Variants in ARHGEF3 observed in about 807,000 individuals in gnomAD.
The protein encoded by ARHGEF3 is Rho guanine nucleotide exchange factor 3.
ARHGEF3 carries 28 observed loss-of-function variants against 63.2 expected under a neutral mutation model. That is an observed-to-expected ratio of 0.44 (90% CI 0.33 to 0.61). The LOEUF (loss-of-function observed/expected upper bound fraction) is 0.61. ARHGEF3 is among the 20% of genes least tolerant of loss of function. ARHGEF3 has a pLI of 0.03. For missense variants in ARHGEF3, 533 were observed against 659.3 expected, an observed-to-expected ratio of 0.81 and a Z score of 2.10; for synonymous variants, 266 against 254.2, an observed-to-expected ratio of 1.05 and a Z score of -0.44.
At chr3:56,743,643 T>C (rs552760207) in intron 7 of ARHGEF3, among the ~76,000 whole-genome samples, 2 of 152,320 alleles carry the variant, frequency 1.3e-5, no homozygotes, top group South Asian at 2.1e-4. Context: ...ATTACCATGA[T>C]TGTTGTTACT....
intron 1 of ARHGEF3, among the ~76,000 whole-genome samples, chr3:57,053,514 T>C (rs897443820): frequency 3.9e-5 from 6 of 152,316 alleles, no homozygotes; most frequent in Admixed American, 2.6e-4. Flanking sequence ...ATAAAGTAGT[T>C]TGCAACATCC....
At chr3:56,860,227 G>A (rs1425842042) in intron 4 of ARHGEF3, among the ~76,000 whole-genome samples, 1 of 151,750 alleles carries the variant, frequency 6.6e-6, no homozygotes, top group East Asian at 1.9e-4. Context: ...ACCCAGGATG[G>A]AGTGTAGTGG....
At chr3:57,014,321 A>C (rs968317137) in intron 2 of ARHGEF3, among the ~76,000 whole-genome samples, 1 of 152,178 alleles carries the variant, frequency 6.6e-6, no homozygotes, top group African/African-American at 2.4e-5. Flanking sequence ...GATCAAGAAC[A>C]CACCGATTCT....
chr3:57,043,429 A>ACAACAC (rs146675436), intron 1 of ARHGEF3, among the ~76,000 whole-genome samples: 1 of 152,184 alleles, frequency 6.6e-6, no homozygotes, highest in South Asian at 2.1e-4. Context: ...CTAGCATTTT[A>ACAACAC]CAACACCAAC....
intron 4 of ARHGEF3, among the ~76,000 whole-genome samples, chr3:56,814,882 A>G (rs1227827199): frequency 6.6e-6 from 1 of 152,150 alleles, no homozygotes; most frequent in African/African-American, 2.4e-5. Flanking sequence ...TAATCCCAAC[A>G]CTTTGGGAGG....
chr3:56,852,068 T>A (rs73833743), intron 4 of ARHGEF3, among the ~76,000 whole-genome samples: 6,613 of 152,218 alleles, frequency 0.043, 217 homozygotes, highest in African/African-American at 0.091. Flanking sequence ...GAAGGGGTGG[T>A]CACCCCTGAG....
At chr3:56,837,550 C>A (rs2039156782) in intron 4 of ARHGEF3, among the ~76,000 whole-genome samples, 1 of 152,162 alleles carries the variant, frequency 6.6e-6, no homozygotes, top group African/African-American at 2.4e-5. Flanking sequence ...GACGATTATT[C>A]AAGAAATAGA....
exon 3 of ARHGEF3, chr3:56,958,876 G>A (rs774106700): frequency 2.0e-5 from 31 of 1,551,286 alleles, no homozygotes; most frequent in Middle Eastern, 1.7e-4. Context: ...TTGTTTTGCC[G>A]CTGCCGTTTA....
chr3:56,796,537 C>T (rs2037377592), intron 1 of ARHGEF3, among the ~76,000 whole-genome samples: 2 of 152,214 alleles, frequency 1.3e-5, no homozygotes, highest in East Asian at 1.9e-4. Context: ...ATCCCACTCC[C>T]GTGGGTTGCA....
chr3:56,881,482 C>T (rs1478088616), intron 4 of ARHGEF3, among the ~76,000 whole-genome samples: 1 of 152,070 alleles, frequency 6.6e-6, no homozygotes, highest in Non-Finnish European at 1.5e-5. Context: ...GTAGGCTTCC[C>T]AATTGCATCA....
intron 2 of ARHGEF3, among the ~76,000 whole-genome samples, chr3:56,960,413 G>T (rs1001017964): frequency 6.6e-6 from 1 of 152,140 alleles, no homozygotes; most frequent in Non-Finnish European, 1.5e-5. Context: ...CTCTGAACAC[G>T]AGGCTTAATT....
chr3:56,969,193 T>A (rs1350955310), intron 2 of ARHGEF3, among the ~76,000 whole-genome samples: 1 of 152,166 alleles, frequency 6.6e-6, no homozygotes. Context: ...ATAGGTAATA[T>A]CCCAAACAAA....
At chr3:57,058,281 T>G (rs1185179731) in intron 1 of ARHGEF3, among the ~76,000 whole-genome samples, 1 of 152,250 alleles carries the variant, frequency 6.6e-6, no homozygotes, top group Non-Finnish European at 1.5e-5. Flanking sequence ...TTCACATTTA[T>G]GAGAACTTGT....
Position 56,729,131 on chromosome 3 carries a change from TA to T in ARHGEF3, c.*138del, listed in dbSNP as rs575520972. On this transcript the variant is annotated 3_prime_UTR_variant, in exon 10 of 10. Coordinates refer to ENST00000296315, the MANE Select transcript of ARHGEF3 (RefSeq NM_019555.3). ...GCAGTTACAGTACTAGGGACAAAGGTACAGATACGAGAGACTGGGCCAACAT... is the reference window on the plus strand; with the variant it reads ...GCAGTTACAGTACTAGGGACAAAGGTCAGATACGAGAGACTGGGCCAACAT... 1.9e-4 allele frequency: 133 copies of T among 712,062 alleles called. 1 individual carries two copies. The South Asian group carries it at 2.3e-3, about 12-fold the overall frequency. 44.1% of individuals were successfully genotyped at this position (712,062 alleles called of 1,614,324 possible). A position where few individuals can be genotyped will look rare whatever the true frequency, so the allele number is the denominator to read the frequency against.
chr3:56,883,115 G>C (rs558048146), intron 3 of ARHGEF3, among the ~76,000 whole-genome samples: 4 of 152,146 alleles, frequency 2.6e-5, no homozygotes, highest in African/African-American at 9.6e-5. Flanking sequence ...CTTATCCAGG[G>C]TCCTAATGTA....
Position 56,728,232 on chromosome 3 carries a change from CA to C in ARHGEF3, c.*1037del, listed in dbSNP as rs1250137510. On this transcript the variant is annotated 3_prime_UTR_variant, in exon 10 of 10. Coordinates refer to ENST00000296315, the MANE Select transcript of ARHGEF3 (RefSeq NM_019555.3). Reference sequence around the variant, plus strand: ...AGATGGCAAATTGACGACCCAAAAGCAGAGCAGGAAAGCCCAAAGCTCTGGC... The same window carrying C: ...AGATGGCAAATTGACGACCCAAAAGCGAGCAGGAAAGCCCAAAGCTCTGGC... 1 of 152,604 alleles carries C rather than the reference CA, an allele frequency of 6.6e-6. No homozygotes were observed. The highest frequency in any genetic ancestry group is 1.5e-5 in the Non-Finnish European group (1 of 68,030). 9.5% of individuals were successfully genotyped at this position (152,604 alleles called of 1,614,324 possible). A position where few individuals can be genotyped will look rare whatever the true frequency, so the allele number is the denominator to read the frequency against.
chr3:56,749,330 T>A (rs916944035), intron 6 of ARHGEF3, among the ~76,000 whole-genome samples: 3 of 152,240 alleles, frequency 2.0e-5, no homozygotes, highest in Non-Finnish European at 2.9e-5. Context: ...CTAATAAACG[T>A]GACAAATGTT....
intron 2 of ARHGEF3, among the ~76,000 whole-genome samples, chr3:56,998,760 G>C (rs1702083254): frequency 6.6e-6 from 1 of 152,072 alleles, no homozygotes; most frequent in Non-Finnish European, 1.5e-5. Flanking sequence ...CCCTACTGTG[G>C]AATTGGCCAT....
intron 3 of ARHGEF3, among the ~76,000 whole-genome samples, chr3:56,954,601 G>A (rs931920661): frequency 4.6e-5 from 7 of 152,302 alleles, no homozygotes; most frequent in African/African-American, 1.7e-4. Flanking sequence ...CTATGGGTCT[G>A]GTAAGTGGTG....
Sources: gnomAD v4.1 joint callset for allele counts (sites outside exome capture counted in the v4.1 genomes callset) on GRCh38, gnomAD v4.1.1 for gene constraint, MANE v1.5 for transcripts, NCBI Gene and HGNC (gene_info 2026-07-23, HGNC 2026-07-21) for gene names.